The following KIF13A variants were observed in gnomAD, a reference collection of about 807,000 sequenced individuals.
KIF13A encodes the protein kinesin family member 13A.
In KIF13A, 79 loss-of-function variants were observed where a neutral mutation model predicts 212.2. That is an observed-to-expected ratio of 0.37 (90% CI 0.31 to 0.45). The LOEUF is 0.45. Ranked by LOEUF, KIF13A falls within the 20% of genes least tolerant of loss-of-function variation. KIF13A has a pLI of 1.00. For synonymous variants in KIF13A, 789 were observed against 808.6 expected (o/e 0.98, Z 0.41); for missense variants, 1,901 against 2,209.0 (o/e 0.86, Z 2.79).
chr6:17,771,692 C>T lies in KIF13A; in HGVS notation c.4476+216G>A. The T allele has an allele frequency of 2.1e-6, 1 of 468,982 alleles. No homozygotes were observed. 29.1% of individuals were successfully genotyped at this position (468,982 alleles called of 1,614,324 possible). ...AACATAAAAAAATACTTTGAAAAGCCATAAACACAAAGAAATAAAACCACA... is the reference window on the plus strand; with the variant it reads ...AACATAAAAAAATACTTTGAAAAGCTATAAACACAAAGAAATAAAACCACA... On this transcript the variant is annotated intron_variant, in intron 37 of 38. Coordinates refer to ENST00000259711, the MANE Select transcript of KIF13A (RefSeq NM_022113.6). The surrounding 1 kb of genome is among the most constrained non-coding windows in gnomAD (Gnocchi z 5.4).
At chr6:17,946,394 T>C (rs1367803381) in intron 2 of KIF13A, among the ~76,000 whole-genome samples, 1 of 151,272 alleles carries the variant, frequency 6.6e-6, no homozygotes, top group Non-Finnish European at 1.5e-5. Flanking sequence ...TAACAAAAGA[T>C]TAATATACAC....
At chr6:17,802,935 T>G (rs1330263410) in intron 20 of KIF13A, among the ~76,000 whole-genome samples, 3 of 137,398 alleles carry the variant, frequency 2.2e-5, no homozygotes, top group Admixed American at 7.9e-5. Context: ...TTTTTTTGTT[T>G]TTTTTTGTTT....
chr6:17,788,515 C>A (rs946107483), intron 26 of KIF13A, among the ~76,000 whole-genome samples: 1 of 152,112 alleles, frequency 6.6e-6, no homozygotes, highest in Non-Finnish European at 1.5e-5. Context: ...CACAAACAGC[C>A]GCAGGACGTT....
downstream of KIF13A, among the ~76,000 whole-genome samples, chr6:17,762,452 T>C (rs1335094009): frequency 6.6e-6 from 1 of 152,078 alleles, no homozygotes; most frequent in Non-Finnish European, 1.5e-5. Flanking sequence ...CATCTGGCAA[T>C]CCACCTGCCT....
intron 19 of KIF13A, 99 bp from the exon 20 acceptor site, chr6:17,804,609 A>C (rs1475985463): frequency 1.7e-6 from 2 of 1,161,314 alleles, no homozygotes; most frequent in South Asian, 1.8e-5. Flanking sequence ...AATTTAAAGA[A>C]TCTATCCATT....
rs145833896 is a variant in KIF13A at position 17,899,001 on chromosome 6, A to G, written c.147-821T>C. 6.6e-6 allele frequency among the ~76,000 whole-genome samples: 1 copy of G among 152,068 alleles called. No homozygotes were observed. Among genetic ancestry groups the G allele is most frequent in the African/African-American group, 2.4e-5 (1 of 41,502 alleles). ...TAGGTGTGTGCCACCACACCTGGGT[A>G]ATTTTTTACTTTCTTAAGAGACACT... On this transcript the variant is annotated intron_variant, in intron 2 of 38. Transcript: ENST00000259711. This position sits in a 1 kb window ranked among gnomAD's most constrained non-coding sequence, Gnocchi z 5.2.
In KIF13A at chr6:17,799,551, A is replaced by G; in HGVS notation, c.2617-112T>C. ...GAAACAAATTGGTCATCCATTTGAC[A>G]TGTGAAAATATTATATCTGACACCG... is the stretch of plus-strand genomic sequence containing the variant. On this transcript the variant is annotated intron_variant, in intron 21 of 38. Transcript: ENST00000259711. This position sits in a 1 kb window ranked among gnomAD's most constrained non-coding sequence, Gnocchi z 4.4. 2 of 840,638 alleles carry G rather than the reference A, an allele frequency of 2.4e-6. No homozygotes were observed. The highest frequency in any genetic ancestry group is 3.6e-6 in the Non-Finnish European group (2 of 555,532). 52.1% of individuals were successfully genotyped at this position (840,638 alleles called of 1,614,324 possible).
In KIF13A at chr6:17,919,590, T is replaced by C. The variant is rs1345964238; in HGVS notation, c.147-21410A>G. The stretch of plus-strand genomic sequence containing the variant: ...TTCTACAGCCCCAAGGGGTCAGCCA[T>C]GTCTCCACTCCTAATGCACTCAGTG... On this transcript the variant is annotated intron_variant, in intron 2 of 38. Coordinates refer to ENST00000259711, the MANE Select transcript of KIF13A (RefSeq NM_022113.6). This position sits in a 1 kb window ranked among gnomAD's most constrained non-coding sequence, Gnocchi z 4.1. Among the ~76,000 whole-genome samples the C allele has an allele frequency of 1.3e-5, 2 of 152,216 alleles. No individual in the cohort carries two copies. Among genetic ancestry groups the C allele is most frequent in the Non-Finnish European group, 2.9e-5 (2 of 68,040 alleles).
At chr6:17,880,344 G>A (rs1770942882) in intron 3 of KIF13A, among the ~76,000 whole-genome samples, 1 of 151,808 alleles carries the variant, frequency 6.6e-6, no homozygotes, top group Admixed American at 6.6e-5. Context: ...ACTTCTAATT[G>A]GGCCAGGCTC....
At chr6:17,954,816 G>A (rs1341632896) in intron 2 of KIF13A, among the ~76,000 whole-genome samples, 1 of 151,972 alleles carries the variant, frequency 6.6e-6, no homozygotes, top group African/African-American at 2.4e-5. Context: ...TGGGACCACA[G>A]GCACACAGCA....
chr6:17,943,463 G>T (rs1157152368), intron 2 of KIF13A, among the ~76,000 whole-genome samples: 1 of 149,322 alleles, frequency 6.7e-6, no homozygotes, highest in African/African-American at 2.5e-5. Flanking sequence ...GGCCAGCCTG[G>T]TCTCGAACTC....
chr6:17,831,207 C>A lies in KIF13A; in HGVS notation c.1295G>T (p.Gly432Val). 6.2e-7 allele frequency: 1 copy of A among 1,613,412 alleles called. No individual in the cohort carries two copies. Among genetic ancestry groups the A allele is most frequent in the Non-Finnish European group, 8.5e-7 (1 of 1,179,722 alleles). Residue 432 changes from glycine to valine, a missense_variant, in exon 13 of 39, where the codon GGG becomes GTG. This residue lies in a region of KIF13A where 506 missense variants were observed against 637.4 expected (regional missense o/e 0.79). Coordinates refer to ENST00000259711, the MANE Select transcript of KIF13A (RefSeq NM_022113.6). ...GATACCGGACATCTCCAGGGAAATC[C>A]CCATGCTTTCAAGTTGTCGTTGTCT... ...QERQRQLESM[G>V]ISLEMSGIKV...
rs995797958 is a variant in KIF13A at position 17,838,583 on chromosome 6, C to T, written c.831-1000G>A. Among the ~76,000 whole-genome samples, 1 of 151,830 alleles carries T rather than the reference C, an allele frequency of 6.6e-6. No individual in the cohort carries two copies. The highest frequency in any genetic ancestry group is 1.5e-5 in the Non-Finnish European group (1 of 67,972). On this transcript the variant is annotated intron_variant, in intron 9 of 38. Transcript: ENST00000259711. This position sits in a 1 kb window ranked among gnomAD's most constrained non-coding sequence, Gnocchi z 4.2. ...TGGCTGTTAGAATTTTAATAACAGC[C>T]ATTACCACAGAGTGGCATAAATATG...
chr6:17,929,244 C>T (rs1157807763), intron 2 of KIF13A, among the ~76,000 whole-genome samples: 1 of 151,696 alleles, frequency 6.6e-6, no homozygotes, highest in Non-Finnish European at 1.5e-5. Context: ...AGGTGGGGGG[C>T]GCATGGGGAG....
intron 4 of KIF13A, among the ~76,000 whole-genome samples, chr6:17,865,850 A>G (rs1005999298): frequency 1.3e-5 from 2 of 152,222 alleles, no homozygotes; most frequent in African/African-American, 4.8e-5. Flanking sequence ...TATCAGTGTT[A>G]GTCTGGAAGT....
intron 16 of KIF13A, 121 bp from the exon 17 acceptor site, chr6:17,817,354 T>C: frequency 2.5e-6 from 2 of 784,428 alleles, no homozygotes; most frequent in Middle Eastern, 2.9e-4. Flanking sequence ...AATACGCTTT[T>C]TGTGAGAGGC....
chr6:17,811,397 A>G lies in KIF13A; in HGVS notation c.2001-2467T>C, dbSNP rs887516689. Among the ~76,000 whole-genome samples, 3 of 152,240 alleles carry G rather than the reference A, an allele frequency of 2.0e-5. No individual in the cohort carries two copies. Among genetic ancestry groups the G allele is most frequent in the African/African-American group, 7.2e-5 (3 of 41,466 alleles). ...TTGCAACTCATTTTCCAGGGTAGGA[A>G]ATAGAAAACAAACAAATAACTATTA... On this transcript the variant is annotated intron_variant, in intron 17 of 38. Coordinates refer to ENST00000259711, the MANE Select transcript of KIF13A (RefSeq NM_022113.6). The surrounding 1 kb of genome is among the most constrained non-coding windows in gnomAD (Gnocchi z 6.0).
chr6:17,855,005 G>A lies in KIF13A; in HGVS notation c.494+432C>T, dbSNP rs373552724. Among the ~76,000 whole-genome samples, 2 of 152,194 alleles carry A rather than the reference G, an allele frequency of 1.3e-5. No individual in the cohort carries two copies. The highest frequency in any genetic ancestry group is 4.1e-4 in the South Asian group (2 of 4,832). ...GTCTCTATGGGTGGACATCAGGCAAGTGGATGCTTAAAACGTTCCCCACAT... is the reference window on the plus strand; with the variant it reads ...GTCTCTATGGGTGGACATCAGGCAAATGGATGCTTAAAACGTTCCCCACAT... On this transcript the variant is annotated intron_variant, in intron 6 of 38. Coordinates refer to ENST00000259711, the MANE Select transcript of KIF13A (RefSeq NM_022113.6). The surrounding 1 kb of genome is among the most constrained non-coding windows in gnomAD (Gnocchi z 4.1).
At chr6:17,832,243 C>T (rs1765513307) in intron 12 of KIF13A, among the ~76,000 whole-genome samples, 1 of 152,056 alleles carries the variant, frequency 6.6e-6, no homozygotes, top group African/African-American at 2.4e-5. Flanking sequence ...ATGCACATAA[C>T]CCCGAGAATT....
Sources: allele counts gnomAD v4.1 joint callset (sites outside exome capture counted in the v4.1 genomes callset), GRCh38; gene constraint gnomAD v4.1.1; regional missense constraint gnomAD v4.1.1; non-coding constraint Gnocchi (gnomAD v3.1); transcripts MANE v1.5; gene names NCBI Gene and HGNC (gene_info 2026-07-23, HGNC 2026-07-21).